The following CCDC85C variants were observed in gnomAD, a reference collection of about 807,000 sequenced individuals.
CCDC85C encodes coiled-coil domain containing 85C.
CCDC85C carries 18 observed loss-of-function variants against 38.3 expected under a neutral mutation model. That is an observed-to-expected ratio of 0.47 (90% confidence interval 0.33 to 0.70). The LOEUF (loss-of-function observed/expected upper bound fraction) is 0.70. CCDC85C is among the 30% of genes least tolerant of loss of function. The pLI is 0.03. For missense variants in CCDC85C, 566 were observed against 621.2 expected, an observed-to-expected ratio of 0.91 and a Z score of 0.94; for synonymous variants, 264 against 293.8, an observed-to-expected ratio of 0.90 and a Z score of 1.04.
chr14:99,550,774 G>T (rs1897892253), intron 1 of CCDC85C, among the ~76,000 whole-genome samples: 1 of 152,230 alleles, frequency 6.6e-6, no homozygotes, highest in Non-Finnish European at 1.5e-5. Context: ...TTGATGGAAA[G>T]GAAGGGCCAG....
rs777088372 is a variant in CCDC85C, at chr14:99,536,043, A to C, written c.839T>G (p.Leu280Arg). 1 of 1,551,500 alleles carries C rather than the reference A, an allele frequency of 6.4e-7. No individual in the cohort carries two copies. Among genetic ancestry groups the C allele is most frequent in the African/African-American group, 1.4e-5 (1 of 73,062 alleles). Residue 280 changes from leucine (L) to arginine (R), a missense_variant, in exon 2 of 6, where the codon CTG becomes CGG. Transcript: ENST00000380243. ...YIRQLESKVR[L>R]LEGDKLLAQQ... is the part of the protein sequence containing the mutation. ...TGCGAGGAGCTTGTCACCCTCCAGCAGCCTCACTTTGCTCTCCAGTTGCCT... is the reference window on the plus strand; with the variant it reads ...TGCGAGGAGCTTGTCACCCTCCAGCCGCCTCACTTTGCTCTCCAGTTGCCT...
intron 1 of CCDC85C, among the ~76,000 whole-genome samples, chr14:99,586,365 C>A (rs1397144649): frequency 1.3e-5 from 2 of 152,246 alleles, no homozygotes; most frequent in Admixed American, 1.3e-4. Flanking sequence ...AGCGGCACTG[C>A]TGAAGAAGAT....
At position 99,535,314 on chromosome 14, in the gene CCDC85C, G is replaced by A. The variant is rs938510197; in HGVS notation, c.867+701C>T. Among the ~76,000 whole-genome samples, 2 of 152,182 alleles carry A rather than the reference G, an allele frequency of 1.3e-5. No homozygotes were observed. Among genetic ancestry groups the A allele is most frequent in the Admixed American group, 6.5e-5 (1 of 15,286 alleles). ...GCGCACGAGGGCTCGGAGGCTTGGG[G>A]GAGCGAGCGGCTTGAGAGGTCGCCA... is the stretch of plus-strand genomic sequence containing the variant. On this transcript the variant is annotated intron_variant, in intron 2 of 5. Transcript: ENST00000380243. This position sits in a 1 kb window ranked among gnomAD's most constrained non-coding sequence, Gnocchi z 5.5.
intron 3 of CCDC85C, among the ~76,000 whole-genome samples, chr14:99,521,425 A>G (rs8022984): frequency 0.096 from 14,577 of 152,226 alleles, 1,773 homozygotes; most frequent in African/African-American, 0.29. Flanking sequence ...GGGTGCAGGG[A>G]AGAGAGCAGG....
intron 1 of CCDC85C, among the ~76,000 whole-genome samples, chr14:99,565,511 G>C (rs1053371152): frequency 2.0e-5 from 3 of 152,328 alleles, no homozygotes; most frequent in African/African-American, 7.2e-5. Context: ...TCAAGTTCTA[G>C]AATAACTGGA....
chr14:99,591,541 G>A (rs2055086693), intron 1 of CCDC85C, among the ~76,000 whole-genome samples: 1 of 151,926 alleles, frequency 6.6e-6, no homozygotes, highest in Non-Finnish European at 1.5e-5. Context: ...AGGAAGGGCA[G>A]GATTTCAATC....
At position 99,522,260 on chromosome 14, in the gene CCDC85C, A is replaced by C. The variant is rs765086308; in HGVS notation, c.868-20T>G. 3.3e-4 allele frequency: 502 copies of C among 1,531,180 alleles called. 1 individual carries two copies. The highest frequency in any genetic ancestry group is 3.7e-4 in the Non-Finnish European group (420 of 1,135,872). The allele number at this position is 1,531,180 out of a possible 1,614,324, so 94.8% of individuals were successfully genotyped here. ...TGCCTGCTGCAGGGGAGAGAAGGAG[A>C]GGGGTTAGACGGAGGGCCAGGCTGA... On this transcript the variant is annotated intron_variant, in intron 2 of 5. Transcript: ENST00000380243.
rs1316877088 is a variant in CCDC85C, at chr14:99,588,601, G to A, written c.793+14566C>T. On this transcript the variant is annotated intron_variant, in intron 1 of 5. Coordinates refer to ENST00000380243, the MANE Select transcript of CCDC85C (RefSeq NM_001144995.2). The surrounding 1 kb of genome is among the most constrained non-coding windows in gnomAD (Gnocchi z 5.0). Reference sequence around the variant, plus strand: ...CCCGGGAGGCCTGAGGAAGCGAGCTGGGGAGAGGGAAGCCTGGCACAGGTG... The same window carrying A: ...CCCGGGAGGCCTGAGGAAGCGAGCTAGGGAGAGGGAAGCCTGGCACAGGTG... Among the ~76,000 whole-genome samples the A allele has an allele frequency of 6.6e-6, 1 of 152,112 alleles. No homozygotes were observed. The highest frequency in any genetic ancestry group is 1.5e-5 in the Non-Finnish European group (1 of 68,018).
rs750462126 is a variant in CCDC85C at position 99,503,675 on chromosome 14, TTA to T, written c.*11569_*11570del. ...TTCCTGTTCTGATGTTTTTTTAGTTTTATGTGTTTATATGCAAAACTTTAAAT... is the reference window on the plus strand; with the variant it reads ...TTCCTGTTCTGATGTTTTTTTAGTTTTGTGTTTATATGCAAAACTTTAAAT... On this transcript the variant is annotated 3_prime_UTR_variant, in exon 6 of 6. Coordinates refer to ENST00000380243, the MANE Select transcript of CCDC85C (RefSeq NM_001144995.2). The T allele has an allele frequency of 1.6e-5, 24 of 1,531,294 alleles. No homozygotes were observed. The African/African-American group carries it at 3.0e-4, about 19-fold the overall frequency. 94.9% of individuals were successfully genotyped at this position (1,531,294 alleles called of 1,614,324 possible). A position where few individuals can be genotyped will look rare whatever the true frequency, so the allele number is the denominator to read the frequency against.
At position 99,548,251 on chromosome 14, in the gene CCDC85C, G is replaced by T. The variant is rs527702411; in HGVS notation, c.794-12163C>A. On this transcript the variant is annotated intron_variant, in intron 1 of 5. Coordinates refer to ENST00000380243, the MANE Select transcript of CCDC85C (RefSeq NM_001144995.2). The surrounding 1 kb of genome is among the most constrained non-coding windows in gnomAD (Gnocchi z 4.9). Reference sequence around the variant, plus strand: ...TACATGGGAAGGGGCAGAGGTATAGGAAGAGGAGAGCCACAAAAGACGAAT... The same window carrying T: ...TACATGGGAAGGGGCAGAGGTATAGTAAGAGGAGAGCCACAAAAGACGAAT... Among the ~76,000 whole-genome samples, 4 of 152,216 alleles carry T rather than the reference G, an allele frequency of 2.6e-5. No homozygotes were observed. In the South Asian group the frequency reaches 8.3e-4, roughly 32 times the overall value.
In CCDC85C at chr14:99,544,862, G is replaced by C. The variant is rs1897778081; in HGVS notation, c.794-8774C>G. Among the ~76,000 whole-genome samples the C allele has an allele frequency of 6.6e-6, 1 of 152,098 alleles. No homozygotes were observed. The highest frequency in any genetic ancestry group is 2.4e-5 in the African/African-American group (1 of 41,410). Reference sequence around the variant, plus strand: ...CTGCAGGCTGGCACCAGCTTCCCCTGAGATCCACCTCCATGCCCGGAGACA... The same window carrying C: ...CTGCAGGCTGGCACCAGCTTCCCCTCAGATCCACCTCCATGCCCGGAGACA... On this transcript the variant is annotated intron_variant, in intron 1 of 5. Transcript: ENST00000380243. This position sits in a 1 kb window ranked among gnomAD's most constrained non-coding sequence, Gnocchi z 5.3.
At chr14:99,579,436 C>T (rs2054941185) in intron 1 of CCDC85C, among the ~76,000 whole-genome samples, 1 of 152,208 alleles carries the variant, frequency 6.6e-6, no homozygotes, top group Non-Finnish European at 1.5e-5. Flanking sequence ...TGAGTGGGAC[C>T]TACAGGGGAG....
chr14:99,572,089 G>T lies in CCDC85C; in HGVS notation c.793+31078C>A, dbSNP rs557090734. The stretch of plus-strand genomic sequence containing the variant: ...AGCCCCCAACCCTAACCCAGCACCC[G>T]CAAGTCTCTGGAAGGCAGCGGCAAG... On this transcript the variant is annotated intron_variant, in intron 1 of 5. Coordinates refer to ENST00000380243, the MANE Select transcript of CCDC85C (RefSeq NM_001144995.2). The surrounding 1 kb of genome is among the most constrained non-coding windows in gnomAD (Gnocchi z 4.4). 7.2e-5 allele frequency among the ~76,000 whole-genome samples: 11 copies of T among 152,252 alleles called. No homozygotes were observed. In the East Asian group the frequency reaches 2.1e-3, roughly 29 times the overall value.
intron 3 of CCDC85C, among the ~76,000 whole-genome samples, 157 bp downstream of exon 3, chr14:99,521,976 T>C (rs1897309102): frequency 6.6e-6 from 1 of 152,214 alleles, no homozygotes; most frequent in Non-Finnish European, 1.5e-5. Flanking sequence ...GGGCTCCGCC[T>C]CTAACTGCCA....
At position 99,522,203 on chromosome 14, in the gene CCDC85C, C is replaced by G. The variant is rs1321984744; in HGVS notation, c.905G>C (p.Gly302Ala). 1.3e-6 allele frequency: 2 copies of G among 1,550,610 alleles called. No individual in the cohort carries two copies. Among genetic ancestry groups the G allele is most frequent in the African/African-American group, 2.7e-5 (2 of 73,198 alleles). Residue 302 changes from glycine to alanine, a missense_variant, in exon 3 of 6, where the codon GGC becomes GCC. Physicochemically the swap from Gly to Ala is moderately conservative, Grantham distance 60. This residue lies in a region of CCDC85C where 286 missense variants were observed against 276.4 expected (regional missense o/e 1.03). Transcript: ENST00000380243. The stretch of plus-strand genomic sequence containing the variant: ...GGACTCCGAGTGGTAGGGCGAGAAG[C>G]CTTTCCGCAGCGTGCGGAACTCTCC... ...GSGEFRTLRK[G>A]FSPYHSESQL...
At position 99,561,573 on chromosome 14, in the gene CCDC85C, G is replaced by A. The variant is rs557091614; in HGVS notation, c.794-25485C>T. The stretch of plus-strand genomic sequence containing the variant: ...CCTTTGTTGGGCACCAGGGGCGGGC[G>A]CCATGCAGTGGCTCCTGGCTCAGAC... On this transcript the variant is annotated intron_variant, in intron 1 of 5. Coordinates refer to ENST00000380243, the MANE Select transcript of CCDC85C (RefSeq NM_001144995.2). Among the ~76,000 whole-genome samples the A allele has an allele frequency of 6.6e-5, 10 of 152,326 alleles. No individual in the cohort carries two copies. In the East Asian group the frequency reaches 1.2e-3, roughly 18 times the overall value.
At position 99,503,561 on chromosome 14, in the gene CCDC85C, C is replaced by CA; in HGVS notation, c.*11684dup. 6.7e-7 allele frequency: 1 copy of CA among 1,495,262 alleles called. No individual in the cohort carries two copies. Among genetic ancestry groups the CA allele is most frequent in the Non-Finnish European group, 9.1e-7 (1 of 1,101,666 alleles). 92.6% of individuals were successfully genotyped at this position (1,495,262 alleles called of 1,614,324 possible). A position where few individuals can be genotyped will look rare whatever the true frequency, so the allele number is the denominator to read the frequency against. On this transcript the variant is annotated 3_prime_UTR_variant, in exon 6 of 6. Transcript: ENST00000380243. The stretch of plus-strand genomic sequence containing the variant: ...GTACCTGGATAATCCATTTTTTTCT[C>CA]ATCATACTCAGGATCCCAGTTAACA...
At chr14:99,561,496 C>T (rs559233707) in intron 1 of CCDC85C, among the ~76,000 whole-genome samples, 1 of 152,304 alleles carries the variant, frequency 6.6e-6, no homozygotes, top group East Asian at 1.9e-4. Context: ...GGGACACCTA[C>T]AGGGCAGTCC....
At chr14:99,580,080 A>G (rs1037921420) in intron 1 of CCDC85C, 3 of 455,702 alleles carry the variant, frequency 6.6e-6, no homozygotes, top group Non-Finnish European at 1.3e-5. Flanking sequence ...ATTCCTAAAC[A>G]GTAGACACCT....
Sources: allele counts gnomAD v4.1 joint callset (sites outside exome capture counted in the v4.1 genomes callset), GRCh38; gene constraint gnomAD v4.1.1; regional missense constraint gnomAD v4.1.1; non-coding constraint Gnocchi (gnomAD v3.1); transcripts MANE v1.5; gene names NCBI Gene and HGNC (gene_info 2026-07-23, HGNC 2026-07-21).